Variants in BRME1 observed in about 807,000 individuals in gnomAD.
BRME1 encodes BRCA2 and MEILB2-associating protein 1.
A neutral mutation model predicts 52.6 loss-of-function variants in BRME1; 31 were observed. The ratio of observed to expected loss-of-function variants is 0.59; its 90% CI spans 0.44 to 0.80. BRME1 has a LOEUF of 0.80. BRME1 is among the 30% of genes least tolerant of loss of function. The pLI is 0.00. For synonymous variants in BRME1, 359 were observed against 353.6 expected, an observed-to-expected ratio of 1.02 and a Z score of -0.17; for missense variants, 804 against 860.3, an observed-to-expected ratio of 0.93 and a Z score of 0.82.
chr19:13,893,625 G>C (rs1969674770), intron 3 of BRME1, among the ~76,000 whole-genome samples: 1 of 152,146 alleles, frequency 6.6e-6, no homozygotes, highest in Non-Finnish European at 1.5e-5. Flanking sequence ...CAGGAAACCA[G>C]TGCTAAGAGT....
In BRME1 at chr19:13,882,474, A is replaced by G. The variant is rs1968703559; in HGVS notation, c.*328T>C. The G allele has an allele frequency of 2.2e-6, 1 of 446,850 alleles. No homozygotes were observed. The highest frequency in any genetic ancestry group is 3.9e-6 in the Non-Finnish European group (1 of 254,880). The allele number at this position is 446,850 out of a possible 1,614,324, so 27.7% of individuals were successfully genotyped here. ...AAGAAACAAATTCTGAACCATCCAT[A>G]CTTGGCTCAGGACCCTAAAATTTGC... On this transcript the variant is annotated 3_prime_UTR_variant, in exon 9 of 9. Coordinates refer to ENST00000586783, the MANE Select transcript of BRME1 (RefSeq NM_001345843.2).
At chr19:13,895,313 C>A in intron 3 of BRME1, 59 bp downstream of exon 3, 7 of 1,526,642 alleles carry the variant, frequency 4.6e-6, no homozygotes, top group Non-Finnish European at 6.2e-6. Context: ...GTCTGCTGAG[C>A]TGCTGTGCTA....
At chr19:13,894,729 T>C (rs1969757826) in intron 3 of BRME1, among the ~76,000 whole-genome samples, 1 of 152,136 alleles carries the variant, frequency 6.6e-6, no homozygotes. Flanking sequence ...GCTTTTCTTT[T>C]TTTATTGGTC....
Position 13,883,601 on chromosome 19 carries a change from A to G in BRME1, c.1764-201T>C. 3.7e-6 allele frequency: 2 copies of G among 535,332 alleles called. No homozygotes were observed. Among genetic ancestry groups the G allele is most frequent in the Non-Finnish European group, 6.7e-6 (2 of 296,552 alleles). The allele number at this position is 535,332 out of a possible 1,614,324, so 33.2% of individuals were successfully genotyped here. On this transcript the variant is annotated intron_variant, in intron 7 of 8. Transcript: ENST00000586783. The surrounding 1 kb of genome is among the most constrained non-coding windows in gnomAD (Gnocchi z 4.2). The stretch of plus-strand genomic sequence containing the variant: ...CCCAGAACCCAACCGCTTCTCCCCT[A>G]CCTGCCCTGCCCTCTCAGGACGCTG...
intron 6 of BRME1, among the ~76,000 whole-genome samples, chr19:13,886,653 C>T (rs936149609): frequency 2.0e-5 from 3 of 152,014 alleles, no homozygotes; most frequent in Admixed American, 2.0e-4. Flanking sequence ...ACAGTGGTGA[C>T]CTATGATGTC....
At position 13,889,774 on chromosome 19, in the gene BRME1, C is replaced by G. The variant is rs751843990; in HGVS notation, c.1082G>C (p.Gly361Ala). Reference protein sequence around the residue: ...ERALEVAGPDGQASAISPASP... With the variant: ...ERALEVAGPDAQASAISPASP... ...GGCAGGTGATATGGCACTGGCCTGC[C>G]CATCGGGCCCAGCCACCTCCAGAGC... is the stretch of plus-strand genomic sequence containing the variant. Residue 361 changes from glycine (G) to alanine (A), a missense_variant, in exon 6 of 9, where the codon GGG becomes GCG. Gly to Ala is a moderately conservative substitution (Grantham distance 60). Transcript: ENST00000586783. 1 of 1,611,892 alleles carries G rather than the reference C, an allele frequency of 6.2e-7. No homozygotes were observed. The highest frequency in any genetic ancestry group is 8.5e-7 in the Non-Finnish European group (1 of 1,179,740).
At chr19:13,892,611 T>G (rs937859027) in intron 5 of BRME1, among the ~76,000 whole-genome samples, 175 bp downstream of exon 5, 3 of 151,796 alleles carry the variant, frequency 2.0e-5, no homozygotes, top group Non-Finnish European at 4.4e-5. Context: ...AAAAATAAAA[T>G]AAAGAATTGT....
At chr19:13,884,151 G>A (rs995007545) in intron 7 of BRME1, among the ~76,000 whole-genome samples, 2 of 152,102 alleles carry the variant, frequency 1.3e-5, no homozygotes, top group African/African-American at 4.8e-5. Context: ...ACCAGCCTCG[G>A]CAATGTAGTG....
rs2145101557 is a variant in BRME1, at chr19:13,883,900, C to T, written c.1764-500G>A. Reference sequence around the variant, plus strand: ...TGGTGGCTTCCCTGATTCCTCCTTACATTTTAACCCCTTCTCCGCTGCCTT... The same window carrying T: ...TGGTGGCTTCCCTGATTCCTCCTTATATTTTAACCCCTTCTCCGCTGCCTT... On this transcript the variant is annotated intron_variant, in intron 7 of 8. Transcript: ENST00000586783. This position sits in a 1 kb window ranked among gnomAD's most constrained non-coding sequence, Gnocchi z 4.2. Among the ~76,000 whole-genome samples, 1 of 152,286 alleles carries T rather than the reference C, an allele frequency of 6.6e-6. No homozygotes were observed. The highest frequency in any genetic ancestry group is 2.4e-5 in the African/African-American group (1 of 41,544).
intron 3 of BRME1, among the ~76,000 whole-genome samples, chr19:13,894,254 G>A (rs1216588686): frequency 6.6e-6 from 1 of 152,204 alleles, no homozygotes; most frequent in Non-Finnish European, 1.5e-5. Flanking sequence ...GCCAGGCGTG[G>A]TGGCTCACGC....
At chr19:13,900,928 G>T (rs1970252972) in intron 2 of BRME1, among the ~76,000 whole-genome samples, 1 of 151,908 alleles carries the variant, frequency 6.6e-6, no homozygotes, top group Non-Finnish European at 1.5e-5. Context: ...ACCTGCCTCG[G>T]CCTCCCAAAG....
At chr19:13,902,657 C>T (rs188183073) in intron 2 of BRME1, among the ~76,000 whole-genome samples, 32 of 150,334 alleles carry the variant, frequency 2.1e-4, no homozygotes, top group African/African-American at 7.3e-4. Context: ...CTGGGCTGGG[C>T]GCGGTGGCCT....
chr19:13,887,986 G>A (rs1010216073), intron 6 of BRME1, among the ~76,000 whole-genome samples: 2 of 152,046 alleles, frequency 1.3e-5, no homozygotes, highest in African/African-American at 2.4e-5. Flanking sequence ...GTGCAGTGGC[G>A]CGATCTTGGC....
At chr19:13,898,284 A>AC (rs767888260) in intron 2 of BRME1, among the ~76,000 whole-genome samples, 2 of 152,132 alleles carry the variant, frequency 1.3e-5, no homozygotes, top group Non-Finnish European at 2.9e-5. Context: ...CTGAATGCCT[A>AC]CTATGTAGTA....
Position 13,882,870 on chromosome 19 carries a change from G to A in BRME1, c.1939C>T (p.Pro647Ser). 6.2e-7 allele frequency: 1 copy of A among 1,613,986 alleles called. No individual in the cohort carries two copies. Among genetic ancestry groups the A allele is most frequent in the Non-Finnish European group, 8.5e-7 (1 of 1,179,942 alleles). Residue 647 changes from proline (P) to serine (S), a missense_variant, in exon 9 of 9, where the codon CCC (proline) becomes TCC (serine). This residue lies in a region of BRME1 where 552 missense variants were observed against 561.1 expected (regional missense o/e 0.98). Transcript: ENST00000586783. Reference sequence around the variant, plus strand: ...GGCCCCTTGGAAGGGTAAGGCAGGGGGGCTTTGCCTCCCAGCTTTGTCTTC... The same window carrying A: ...GGCCCCTTGGAAGGGTAAGGCAGGGAGGCTTTGCCTCCCAGCTTTGTCTTC... ...YRKTKLGGKA[P>S]LPYPSKGPGN...
intron 5 of BRME1, among the ~76,000 whole-genome samples, chr19:13,890,942 A>G (rs756755670): frequency 6.6e-6 from 1 of 151,906 alleles, no homozygotes; most frequent in African/African-American, 2.4e-5. Flanking sequence ...CTGTTCAAAG[A>G]CTCAGATATT....
At chr19:13,898,751 C>G (rs1970085398) in intron 2 of BRME1, among the ~76,000 whole-genome samples, 1 of 151,628 alleles carries the variant, frequency 6.6e-6, no homozygotes, top group Non-Finnish European at 1.5e-5. Flanking sequence ...TGGAGAAACC[C>G]TGTCTCTACT....
rs144452246 is a variant in BRME1, at chr19:13,889,435, C to T, written c.1421G>A (p.Arg474His). The change falls in exon 6 of 9, where the codon CGT becomes CAT. Residue 474 changes from arginine (R) to histidine (H), a missense_variant. Physicochemically the swap from Arg to His is conservative, Grantham distance 29 (BLOSUM62 0). Transcript: ENST00000586783. Reference protein sequence around the residue: ...QNLERDLEGFRVSPQASVVLE... With the variant: ...QNLERDLEGFHVSPQASVVLE... ...CACAACAGAGGCTTGCGGGGACACACGGAACCCCTCGAGGTCTCGTTCGAG... is the reference window on the plus strand; with the variant it reads ...CACAACAGAGGCTTGCGGGGACACATGGAACCCCTCGAGGTCTCGTTCGAG... The T allele has an allele frequency of 2.9e-5, 47 of 1,613,984 alleles. No homozygotes were observed. In the African/African-American group the frequency reaches 4.0e-4, roughly 14 times the overall value.
At position 13,895,127 on chromosome 19, in the gene BRME1, C is replaced by G. The variant is rs7253699; in HGVS notation, c.206+245G>C. On this transcript the variant is annotated intron_variant, in intron 3 of 8. Coordinates refer to ENST00000586783, the MANE Select transcript of BRME1 (RefSeq NM_001345843.2). ...CTCGTGACCTCAAGTGATCTTCCCC[C>G]CTCGGCCTCCCAAAGTGTTGGGATT... Among the ~76,000 whole-genome samples the G allele has an allele frequency of 7.7e-3, 1,169 of 152,218 alleles. 16 individuals are homozygous for G. Among genetic ancestry groups the G allele is most frequent in the African/African-American group, 0.027 (1,110 of 41,520 alleles).
Sources: gnomAD v4.1 joint callset for allele counts (sites outside exome capture counted in the v4.1 genomes callset) on GRCh38, gnomAD v4.1.1 for gene constraint, gnomAD v4.1.1 regional missense constraint, Gnocchi (gnomAD v3.1) non-coding constraint, MANE v1.5 for transcripts, NCBI Gene and HGNC (gene_info 2026-07-23, HGNC 2026-07-21) for gene names.